The following HEATR5A variants were observed in gnomAD, a reference collection of about 807,000 sequenced individuals.
The protein encoded by HEATR5A is HEAT repeat containing 5A.
A neutral mutation model predicts 218.8 loss-of-function variants in HEATR5A; 178 were observed. That is an observed-to-expected ratio of 0.81 (90% CI 0.72 to 0.92). The LOEUF (loss-of-function observed/expected upper bound fraction) is 0.92, where lower values mean the gene tolerates loss of function less well. Ranked by LOEUF, HEATR5A falls within the 40% of genes least tolerant of loss-of-function variation. HEATR5A has a pLI of 0.00. For missense variants in HEATR5A, 2,420 were observed against 2,418.9 expected (o/e 1.00, Z -0.01); for synonymous variants, 864 against 871.6 (o/e 0.99, Z 0.15).
intron 28 of HEATR5A, 56 bp downstream of exon 28, chr14:31,312,912 A>T: frequency 7.2e-7 from 1 of 1,392,804 alleles, no homozygotes; most frequent in Non-Finnish European, 1.0e-6. Context: ...AAAAAAAAAG[A>T]AAAGAAAATG....
At chr14:31,326,496 A>G (rs541053626) in intron 22 of HEATR5A, among the ~76,000 whole-genome samples, 154 bp from the exon 23 acceptor site, 1 of 152,350 alleles carries the variant, frequency 6.6e-6, no homozygotes, top group African/African-American at 2.4e-5. Flanking sequence ...GATCCATTTT[A>G]GTTCACACTT....
At chr14:31,326,589 G>A (rs1449943432) in intron 22 of HEATR5A, among the ~76,000 whole-genome samples, 2 of 152,110 alleles carry the variant, frequency 1.3e-5, no homozygotes, top group Non-Finnish European at 2.9e-5. Context: ...TTATTAATAT[G>A]TTTTCTTAAT....
chr14:31,415,012 G>C (rs1434473535), intron 1 of HEATR5A, among the ~76,000 whole-genome samples: 3 of 152,070 alleles, frequency 2.0e-5, no homozygotes, highest in South Asian at 4.1e-4. Flanking sequence ...GCTAATTTTT[G>C]TATCTTTAGT....
chr14:31,314,580 AT>A (rs1335196033), intron 27 of HEATR5A, among the ~76,000 whole-genome samples: 7 of 151,928 alleles, frequency 4.6e-5, no homozygotes, highest in Non-Finnish European at 8.8e-5. Flanking sequence ...TTAAAATTTT[AT>A]ATAGAGATGG....
In HEATR5A at chr14:31,315,827, T is replaced by C. The variant is rs1484093888; in HGVS notation, c.4161A>G (p.Leu1387=). 3.1e-6 allele frequency: 5 copies of C among 1,613,196 alleles called. No individual in the cohort carries two copies. The Admixed American group carries it at 8.3e-5, about 27-fold the overall frequency. ...CCATGGTAGAAGCACTTTCATTATA[T>C]AAGTGACTTAGAGCTTCTTTTCCAG... ...IQAGKEALSH[L]YNESASTMEI... The change falls in exon 27 of 36, where the codon TTA becomes TTG. Residue 1387 remains leucine (L), a synonymous_variant. Coordinates refer to ENST00000543095, the MANE Select transcript of HEATR5A (RefSeq NM_015473.4).
intron 13 of HEATR5A, among the ~76,000 whole-genome samples, chr14:31,368,192 C>G (rs1278934755): frequency 6.6e-6 from 1 of 151,892 alleles, no homozygotes; most frequent in African/African-American, 2.4e-5. Context: ...GCCCTTCTAT[C>G]CCTTTGCCAG....
chr14:31,352,082 C>T (rs980916892), intron 16 of HEATR5A, among the ~76,000 whole-genome samples: 5 of 152,086 alleles, frequency 3.3e-5, no homozygotes, highest in Admixed American at 2.6e-4. Context: ...GGTTTTAATT[C>T]CTTATGTCAA....
At chr14:31,329,765 T>G (rs1381198764) in intron 22 of HEATR5A, among the ~76,000 whole-genome samples, 1 of 152,164 alleles carries the variant, frequency 6.6e-6, no homozygotes, top group African/African-American at 2.4e-5. Context: ...CAGTCTAGAG[T>G]GCAATGGCAT....
intron 14 of HEATR5A, among the ~76,000 whole-genome samples, chr14:31,361,547 T>C (rs533232232): frequency 8.5e-5 from 13 of 152,222 alleles, no homozygotes; most frequent in African/African-American, 3.1e-4. Flanking sequence ...TAGTAGAAAA[T>C]CTCTGCTTCT....
chr14:31,413,113 T>C (rs2378862), intron 1 of HEATR5A, among the ~76,000 whole-genome samples: 146,979 of 152,222 alleles, frequency 0.97, 71,146 homozygotes, highest in Middle Eastern at 1. Flanking sequence ...ACACATTCAG[T>C]GTACCAAGAT....
intron 1 of HEATR5A, among the ~76,000 whole-genome samples, chr14:31,418,344 A>C (rs2031524060): frequency 1.3e-5 from 2 of 152,240 alleles, no homozygotes; most frequent in Non-Finnish European, 2.9e-5. Flanking sequence ...GTAAAGGACC[A>C]GACAATACTC....
At chr14:31,320,621 C>A in intron 25 of HEATR5A, 1 of 700,372 alleles carries the variant, frequency 1.4e-6, no homozygotes. Context: ...GAGTAATACC[C>A]CGGTGGTCTG....
chr14:31,306,156 T>TAACA (rs1158803870), intron 31 of HEATR5A, among the ~76,000 whole-genome samples: 4 of 152,244 alleles, frequency 2.6e-5, no homozygotes, highest in Admixed American at 6.5e-5. Context: ...ATATCTAAAC[T>TAACA]AACATGTAGA....
In HEATR5A at chr14:31,387,202, TATA is replaced by T. The variant is rs1329345623; in HGVS notation, c.1104_1106del (p.Ile369del). 6.2e-7 allele frequency: 1 copy of T among 1,613,748 alleles called. No individual in the cohort carries two copies. The highest frequency in any genetic ancestry group is 8.5e-7 in the Non-Finnish European group (1 of 1,179,812). On this transcript the variant is annotated inframe_deletion, in exon 8 of 36. Transcript: ENST00000543095. ...GAGCCTTTTCTCCAAGAAGACCACC[TATA>T]GTAGTTCGAAGAATAAATGAAACAC... is the stretch of plus-strand genomic sequence containing the variant.
Position 31,386,417 on chromosome 14 carries a change from T to C in HEATR5A, c.1345+3A>G, listed in dbSNP as rs1205534579. ...TATTCCAATGAGTCACAAACAGATA[T>C]ACCTGTACTTGAATCCTGTAGCAAA... On this transcript the variant is annotated splice_donor_region_variant and intron_variant, in intron 9 of 35. Coordinates refer to ENST00000543095, the MANE Select transcript of HEATR5A (RefSeq NM_015473.4). 8 of 1,612,434 alleles carry C rather than the reference T, an allele frequency of 5.0e-6. No homozygotes were observed. In the African/African-American group the frequency reaches 9.3e-5, roughly 19 times the overall value.
intron 10 of HEATR5A, 66 bp downstream of exon 10, chr14:31,383,455 T>C: frequency 6.8e-7 from 1 of 1,461,028 alleles, no homozygotes; most frequent in Non-Finnish European, 9.3e-7. Context: ...ACAAATTCTG[T>C]TACTATGTGA....
At chr14:31,390,438 AG>A (rs1440447393) in intron 6 of HEATR5A, among the ~76,000 whole-genome samples, 1 of 152,224 alleles carries the variant, frequency 6.6e-6, no homozygotes, top group Non-Finnish European at 1.5e-5. Flanking sequence ...ACTTGGATCA[AG>A]GTGGTTAAAG....
chr14:31,373,801 A>ACCTCTTCTGCATCTGCCCCC (rs1295648133), intron 12 of HEATR5A, among the ~76,000 whole-genome samples: 30 of 151,608 alleles, frequency 2.0e-4, no homozygotes, highest in Admixed American at 3.9e-4. Flanking sequence ...CACCTGCTCC[A>ACCTCTTCTGCATCTGCCCCC]CCTCTTCTGC....
intron 13 of HEATR5A, among the ~76,000 whole-genome samples, chr14:31,369,838 G>A (rs1479552367): frequency 6.6e-6 from 1 of 151,362 alleles, no homozygotes; most frequent in Non-Finnish European, 1.5e-5. Context: ...TGAGGCAGAA[G>A]AATCTCTTGA....
Sources: gnomAD v4.1 joint callset for allele counts (sites outside exome capture counted in the v4.1 genomes callset) on GRCh38, gnomAD v4.1.1 for gene constraint, MANE v1.5 for transcripts, NCBI Gene and HGNC (gene_info 2026-07-23, HGNC 2026-07-21) for gene names.